Variants in STAT4 observed in about 807,000 individuals in gnomAD.
STAT4 encodes signal transducer and activator of transcription 4.
In STAT4, 42 loss-of-function variants were observed where a neutral mutation model predicts 110.5. The ratio of observed to expected loss-of-function variants is 0.38; its 90% CI spans 0.30 to 0.49. The LOEUF is 0.49. Ranked by LOEUF, STAT4 falls within the 20% of genes least tolerant of loss-of-function variation. The pLI, the probability that STAT4 is intolerant of heterozygous loss-of-function variation, is 0.95. For missense variants in STAT4, 632 were observed against 887.9 expected, an observed-to-expected ratio of 0.71 and a Z score of 3.66; for synonymous variants, 284 against 302.2, an observed-to-expected ratio of 0.94 and a Z score of 0.63.
At chr2:191,034,502 G>A in intron 18 of STAT4, 46 bp downstream of exon 18, 1 of 1,429,658 alleles carries the variant, frequency 7.0e-7, no homozygotes. Flanking sequence ...AAGGAACATT[G>A]TATTAAAAAA....
At chr2:191,075,631 AC>A (rs1697292961) in intron 4 of STAT4, among the ~76,000 whole-genome samples, 1 of 152,126 alleles carries the variant, frequency 6.6e-6, no homozygotes, top group African/African-American at 2.4e-5. Flanking sequence ...TGTGGCCAGT[AC>A]AAATGGGAAA....
intron 14 of STAT4, among the ~76,000 whole-genome samples, chr2:191,052,002 G>A (rs1696538797): frequency 6.6e-6 from 1 of 152,192 alleles, no homozygotes; most frequent in South Asian, 2.1e-4. Context: ...GAGGATTGTT[G>A]AAGACATTCT....
chr2:191,057,498 G>A (rs1696730652), intron 13 of STAT4, among the ~76,000 whole-genome samples: 1 of 151,082 alleles, frequency 6.6e-6, no homozygotes, highest in Non-Finnish European at 1.5e-5. Flanking sequence ...GACCTTCTGA[G>A]TCAAGGTTCA....
At chr2:191,129,912 T>C (rs1035242127) in intron 3 of STAT4, among the ~76,000 whole-genome samples, 4 of 152,186 alleles carry the variant, frequency 2.6e-5, no homozygotes, top group African/African-American at 7.2e-5. Context: ...ATTTAATATA[T>C]ATTATTTGGA....
At chr2:191,057,938 T>TA in intron 13 of STAT4, 80 bp downstream of exon 13, 1 of 1,203,760 alleles carries the variant, frequency 8.3e-7, no homozygotes, top group Non-Finnish European at 1.2e-6. Flanking sequence ...GCACAAAACA[T>TA]ACTGAATTAT....
At chr2:191,055,213 T>A (rs1696647979) in intron 13 of STAT4, among the ~76,000 whole-genome samples, 1 of 151,966 alleles carries the variant, frequency 6.6e-6, no homozygotes, top group Non-Finnish European at 1.5e-5. Flanking sequence ...TTTTCTTTTT[T>A]TTTGAGATGG....
intron 3 of STAT4, among the ~76,000 whole-genome samples, chr2:191,103,053 C>T (rs924081025): frequency 2.6e-5 from 4 of 152,180 alleles, no homozygotes; most frequent in African/African-American, 9.7e-5. Context: ...TCTCTTTTCA[C>T]ATCATTCTTT....
intron 3 of STAT4, among the ~76,000 whole-genome samples, chr2:191,076,699 G>A (rs939944270): frequency 5.3e-5 from 8 of 149,734 alleles, no homozygotes; most frequent in African/African-American, 7.4e-5. Context: ...AGGCTGGAGT[G>A]CAATGGTAGA....
At chr2:191,141,584 T>C (rs1483821407) in intron 3 of STAT4, among the ~76,000 whole-genome samples, 25 of 120,462 alleles carry the variant, frequency 2.1e-4, no homozygotes, top group African/African-American at 6.9e-4. Flanking sequence ...TATATACATA[T>C]ACATATATAT....
At chr2:191,151,545 T>C (rs943459103), upstream of STAT4, 1 of 985,464 alleles carries the variant, frequency 1.0e-6, no homozygotes, top group African/African-American at 1.7e-5. This position sits in a 1 kb window ranked among gnomAD's most constrained non-coding sequence, Gnocchi z 4.7. Flanking sequence ...CCACCAGTGC[T>C]TGCCCTTCCT....
rs1047198693 is a variant in STAT4, at chr2:191,107,581, T to C, written c.274-31256A>G. Among the ~76,000 whole-genome samples, 3 of 152,228 alleles carry C rather than the reference T, an allele frequency of 2.0e-5. No homozygotes were observed. The highest frequency in any genetic ancestry group is 2.9e-5 in the Non-Finnish European group (2 of 68,040). ...TCTGAGGCAGGGTTTTAACCCCAGG[T>C]ATCTGATCTGCAGACCCATGTACAG... On this transcript the variant is annotated intron_variant, in intron 3 of 23. Coordinates refer to ENST00000392320, the MANE Select transcript of STAT4 (RefSeq NM_003151.4). This position sits in a 1 kb window ranked among gnomAD's most constrained non-coding sequence, Gnocchi z 4.2.
At chr2:191,133,416 G>C (rs1699096315) in intron 3 of STAT4, among the ~76,000 whole-genome samples, 1 of 150,988 alleles carries the variant, frequency 6.6e-6, no homozygotes, top group African/African-American at 2.5e-5. Flanking sequence ...AAGCTATGGA[G>C]GAAAATAATG....
intron 3 of STAT4, among the ~76,000 whole-genome samples, chr2:191,120,319 T>C (rs2125387632): frequency 6.6e-6 from 1 of 152,232 alleles, no homozygotes; most frequent in East Asian, 1.9e-4. Context: ...TTGGAATATG[T>C]AAAGAATTAA....
chr2:191,064,232 G>A (rs930640146), intron 8 of STAT4, among the ~76,000 whole-genome samples: 22 of 152,136 alleles, frequency 1.4e-4, no homozygotes, highest in East Asian at 9.6e-4. Flanking sequence ...TTACATCAAC[G>A]GAATAACATG....
intron 3 of STAT4, among the ~76,000 whole-genome samples, chr2:191,124,947 C>T (rs1698836553): frequency 5.9e-5 from 9 of 152,202 alleles, no homozygotes; most frequent in Admixed American, 5.9e-4. Context: ...ATTCTATACT[C>T]CACAGTGTTG....
At chr2:191,132,701 C>A (rs891352237) in intron 3 of STAT4, among the ~76,000 whole-genome samples, 3 of 151,216 alleles carry the variant, frequency 2.0e-5, no homozygotes, top group African/African-American at 7.3e-5. Flanking sequence ...GAACAGACAA[C>A]TGCCTAGAAG....
intron 6 of STAT4, chr2:191,068,667 T>C (rs1300732897): frequency 6.6e-6 from 1 of 152,170 alleles, no homozygotes. Context: ...ACAAAAATGT[T>C]GCACAAATAG....
rs1294136839 is a variant in STAT4, at chr2:191,058,145, C to T, written c.1113-34G>A. ...GAAATCTTAGCTATTTACATGGTCT[C>T]AGGTAAAATAAATTTACAAGAGCAG... On this transcript the variant is annotated intron_variant, in intron 12 of 23. Coordinates refer to ENST00000392320, the MANE Select transcript of STAT4 (RefSeq NM_003151.4). The surrounding 1 kb of genome is among the most constrained non-coding windows in gnomAD (Gnocchi z 4.3). The T allele has an allele frequency of 6.2e-7, 1 of 1,613,534 alleles. No homozygotes were observed. Among genetic ancestry groups the T allele is most frequent in the East Asian group, 2.2e-5 (1 of 44,828 alleles).
rs1430240437 is a variant in STAT4 at position 191,144,154 on chromosome 2, A to C, written c.273+2459T>G. Among the ~76,000 whole-genome samples, 1 of 152,088 alleles carries C rather than the reference A, an allele frequency of 6.6e-6. No homozygotes were observed. Among genetic ancestry groups the C allele is most frequent in the East Asian group, 1.9e-4 (1 of 5,186 alleles). ...GAGGGTGAGGGAGGGGGGTCAGAAA[A>C]GGAGATCAGCCTTTTACCCTCAAGG... On this transcript the variant is annotated intron_variant, in intron 3 of 23. Coordinates refer to ENST00000392320, the MANE Select transcript of STAT4 (RefSeq NM_003151.4). This position sits in a 1 kb window ranked among gnomAD's most constrained non-coding sequence, Gnocchi z 4.7.
Sources: gnomAD v4.1 joint callset for allele counts (sites outside exome capture counted in the v4.1 genomes callset) on GRCh38, gnomAD v4.1.1 for gene constraint, Gnocchi (gnomAD v3.1) non-coding constraint, MANE v1.5 for transcripts, NCBI Gene and HGNC (gene_info 2026-07-23, HGNC 2026-07-21) for gene names.